TRIM45: variants seen among roughly 807,000 people sequenced by gnomAD.
TRIM45 encodes E3 ubiquitin-protein ligase TRIM45.
TRIM45 carries 45 observed loss-of-function variants against 46.7 expected under a neutral mutation model. That is an observed-to-expected ratio of 0.96 (90% CI 0.76 to 1.24). The LOEUF (loss-of-function observed/expected upper bound fraction) is 1.24. Among genes scored for constraint, TRIM45 ranks in the 50% most tolerant of loss-of-function variants. The pLI is 0.00. For missense variants in TRIM45, 680 were observed against 728.4 expected (o/e 0.93, Z 0.77); for synonymous variants, 259 against 285.8 (o/e 0.91, Z 0.94).
rs777399574 is a variant in TRIM45 at position 117,120,766 on chromosome 1, T to C, written c.436A>G (p.Arg146Gly). 1 of 1,613,982 alleles carries C rather than the reference T, an allele frequency of 6.2e-7. No individual in the cohort carries two copies. Among genetic ancestry groups the C allele is most frequent in the Non-Finnish European group, 8.5e-7 (1 of 1,179,906 alleles). ...AGGTTGGCTTTGCAGGTCTGACACCTCTTCTCTACTTCCCTGTCGTTGCAC... is the reference window on the plus strand; with the variant it reads ...AGGTTGGCTTTGCAGGTCTGACACCCCTTCTCTACTTCCCTGTCGTTGCAC... ...DLCNDREVEK[R>G]CQTCKANLCH... is the part of the protein sequence containing the mutation. Residue 146 changes from arginine to glycine, a missense_variant, in exon 1 of 6, where the codon AGG becomes GGG. Transcript: ENST00000256649.
rs767238571 is a variant in TRIM45, at chr1:117,121,025, G to GA, written c.176dup (p.Ser60LeufsTer11). 6.2e-7 allele frequency: 1 copy of GA among 1,614,182 alleles called. No homozygotes were observed. Among genetic ancestry groups the GA allele is most frequent in the African/African-American group, 1.3e-5 (1 of 75,036 alleles). ...CTCCCCCTCGGATGTCCACTACTGA[G>GA]AAGGGCTCCAGCTGCTCCAGACACG... On this transcript the variant is annotated frameshift_variant, in exon 1 of 6. Coordinates refer to ENST00000256649, the MANE Select transcript of TRIM45 (RefSeq NM_025188.4). LOFTEE classifies it high-confidence loss of function. This position sits in a 1 kb window ranked among gnomAD's most constrained non-coding sequence, Gnocchi z 4.2.
In TRIM45 at chr1:117,121,409, T is replaced by C; in HGVS notation, c.-208A>G. 1.7e-6 allele frequency: 1 copy of C among 579,606 alleles called. No homozygotes were observed. The highest frequency in any genetic ancestry group is 2.6e-5 in the South Asian group (1 of 38,844). 35.9% of individuals were successfully genotyped at this position (579,606 alleles called of 1,614,324 possible). On this transcript the variant is annotated 5_prime_UTR_variant, in exon 1 of 6. Coordinates refer to ENST00000256649, the MANE Select transcript of TRIM45 (RefSeq NM_025188.4). This position sits in a 1 kb window ranked among gnomAD's most constrained non-coding sequence, Gnocchi z 4.2. ...GATCTACTCAGGAGGGCCCCCTCCT[T>C]TCCACTGCATCCCACACCAGACACG...
rs533721589 is a variant in TRIM45, at chr1:117,121,713, T to A, written c.-512A>T. On this transcript the variant is annotated 5_prime_UTR_variant, in exon 1 of 6. Coordinates refer to ENST00000256649, the MANE Select transcript of TRIM45 (RefSeq NM_025188.4). The surrounding 1 kb of genome is among the most constrained non-coding windows in gnomAD (Gnocchi z 4.2). ...CGGGCTTCTCGGTGTCCACCGCCTC[T>A]CCCGCGCCTCGGCCCGGGACGCCCG... 77 of 578,730 alleles carry A rather than the reference T, an allele frequency of 1.3e-4. No homozygotes were observed. The South Asian group carries it at 1.5e-3, about 11-fold the overall frequency. 35.8% of individuals were successfully genotyped at this position (578,730 alleles called of 1,614,324 possible). A position where few individuals can be genotyped will look rare whatever the true frequency, so the allele number is the denominator to read the frequency against.
intron 1 of TRIM45, among the ~76,000 whole-genome samples, chr1:117,119,586 G>A (rs941496867): frequency 1.1e-4 from 17 of 151,300 alleles, no homozygotes; most frequent in Admixed American, 2.6e-4. Flanking sequence ...CAGCCTGGGC[G>A]ACTAGAGCCA....
In TRIM45 at chr1:117,121,347, A is replaced by G; in HGVS notation, c.-146T>C. On this transcript the variant is annotated 5_prime_UTR_variant, in exon 1 of 6. Coordinates refer to ENST00000256649, the MANE Select transcript of TRIM45 (RefSeq NM_025188.4). The surrounding 1 kb of genome is among the most constrained non-coding windows in gnomAD (Gnocchi z 4.2). The stretch of plus-strand genomic sequence containing the variant: ...CCCTCGCTGACAAATAAAAGGGCAG[A>G]CGGGAAGACGAGGCGTCCTCGAAGG... The G allele has an allele frequency of 1.0e-6, 1 of 996,090 alleles. No individual in the cohort carries two copies. The highest frequency in any genetic ancestry group is 1.4e-6 in the Non-Finnish European group (1 of 691,112). 61.7% of individuals were successfully genotyped at this position (996,090 alleles called of 1,614,324 possible). A position where few individuals can be genotyped will look rare whatever the true frequency, so the allele number is the denominator to read the frequency against.
chr1:117,123,927 G>A (rs1289219609), upstream of TRIM45, among the ~76,000 whole-genome samples: 1 of 152,138 alleles, frequency 6.6e-6, no homozygotes, highest in Non-Finnish European at 1.5e-5. Flanking sequence ...CACCGCGCCT[G>A]GCCACCTCTA....
upstream of TRIM45, chr1:117,121,817 C>G (rs1257341719): frequency 4.2e-6 from 3 of 713,878 alleles, no homozygotes; most frequent in Non-Finnish European, 5.2e-6. The surrounding 1 kb of genome is among the most constrained non-coding windows in gnomAD (Gnocchi z 4.2). Flanking sequence ...AGCGGCGGCC[C>G]TCGCCGCTCC....
chr1:117,123,671 C>T (rs35451049), upstream of TRIM45, among the ~76,000 whole-genome samples: 3 of 150,934 alleles, frequency 2.0e-5, no homozygotes, highest in Admixed American at 6.6e-5. Flanking sequence ...CTCTTGTTGC[C>T]TAGGCCGGAA....
In TRIM45 at chr1:117,113,121, C is replaced by T. The variant is rs1478524198; in HGVS notation, c.1594+238G>A. ...GAGAATCCTACATAGAAGCACAGGG[C>T]TCATAGGAGCTGTACCAAAACTAAC... On this transcript the variant is annotated intron_variant, in intron 5 of 5. Coordinates refer to ENST00000256649, the MANE Select transcript of TRIM45 (RefSeq NM_025188.4). The surrounding 1 kb of genome is among the most constrained non-coding windows in gnomAD (Gnocchi z 4.0). 6.6e-6 allele frequency among the ~76,000 whole-genome samples: 1 copy of T among 152,210 alleles called. No homozygotes were observed. Among genetic ancestry groups the T allele is most frequent in the Non-Finnish European group, 1.5e-5 (1 of 68,028 alleles).
chr1:117,119,918 T>C (rs1650556139), intron 1 of TRIM45, among the ~76,000 whole-genome samples: 1 of 152,188 alleles, frequency 6.6e-6, no homozygotes, highest in Non-Finnish European at 1.5e-5. Context: ...TCTGTTAGTG[T>C]AGCCAGAAAA....
rs1303133252 is a variant in TRIM45 at position 117,120,932 on chromosome 1, G to A, written c.270C>T (p.Ile90=). 6.8e-6 allele frequency: 11 copies of A among 1,614,198 alleles called. No homozygotes were observed. The highest frequency in any genetic ancestry group is 1.1e-5 in the South Asian group (1 of 91,082). Reference sequence around the variant, plus strand: ...CATCACATACAGGACAAAGGATGCCGATCTGCGACTGCAGACTTCGTGGCT... The same window carrying A: ...CATCACATACAGGACAAAGGATGCCAATCTGCGACTGCAGACTTCGTGGCT... ...ELKPRSLQSQ[I]GILCPVCDAQ... is the part of the protein sequence containing the mutation. The change falls in exon 1 of 6, where the codon ATC becomes ATT. Residue 90 remains isoleucine, a synonymous_variant. Coordinates refer to ENST00000256649, the MANE Select transcript of TRIM45 (RefSeq NM_025188.4).
In TRIM45 at chr1:117,118,018, G is replaced by A. The variant is rs773849630; in HGVS notation, c.1222+16C>T. 7.5e-6 allele frequency: 12 copies of A among 1,603,412 alleles called. No homozygotes were observed. In the African/African-American group the frequency reaches 1.5e-4, roughly 20 times the overall value. ...GTCCACTGCCCTCTCAATGTCAATG[G>A]GAAATGCCTTCCTACCTTCTCCTTG... On this transcript the variant is annotated intron_variant, in intron 2 of 5. Transcript: ENST00000256649. This position sits in a 1 kb window ranked among gnomAD's most constrained non-coding sequence, Gnocchi z 5.7.
rs868103075 is a variant in TRIM45 at position 117,121,488 on chromosome 1, C to G, written c.-287G>C. 1.1e-5 allele frequency: 6 copies of G among 525,450 alleles called. No homozygotes were observed. Among genetic ancestry groups the G allele is most frequent in the Non-Finnish European group, 2.0e-5 (6 of 299,576 alleles). The allele number at this position is 525,450 out of a possible 1,614,324, so 32.5% of individuals were successfully genotyped here. ...TCCCCGGATGCGCTTCCAGGTCTAG[C>G]TCTCCAGCTAGTCCTGCTGCCAACA... On this transcript the variant is annotated 5_prime_UTR_variant, in exon 1 of 6. Transcript: ENST00000256649. The surrounding 1 kb of genome is among the most constrained non-coding windows in gnomAD (Gnocchi z 4.2).
Position 117,113,592 on chromosome 1 carries a change from G to C in TRIM45, c.1468-107C>G. ...GTCTGAGGCACAGGGCCTGTCCTTG[G>C]ATGGACAAGGACAACAGGAAAGAAA... On this transcript the variant is annotated intron_variant, in intron 4 of 5. Transcript: ENST00000256649. This position sits in a 1 kb window ranked among gnomAD's most constrained non-coding sequence, Gnocchi z 4.0. 1.4e-6 allele frequency: 2 copies of C among 1,388,772 alleles called. No individual in the cohort carries two copies. Among genetic ancestry groups the C allele is most frequent in the Non-Finnish European group, 1.9e-6 (2 of 1,031,690 alleles). 86.0% of individuals were successfully genotyped at this position (1,388,772 alleles called of 1,614,324 possible). A position where few individuals can be genotyped will look rare whatever the true frequency, so the allele number is the denominator to read the frequency against.
In TRIM45 at chr1:117,118,263, G is replaced by A. The variant is rs144145161; in HGVS notation, c.993C>T (p.Thr331=). ...CTGAGCCGCTGGTCAGCAAGTGCTCGGTGAACTCCACTCCAGTCCGCATGT... is the reference window on the plus strand; with the variant it reads ...CTGAGCCGCTGGTCAGCAAGTGCTCAGTGAACTCCACTCCAGTCCGCATGT... ...LADMRTGVEF[T]EHLLTSGSDL... is the part of the protein sequence containing the mutation. Residue 331 remains threonine (T), a synonymous_variant, in exon 2 of 6, where the codon ACC becomes ACT. Coordinates refer to ENST00000256649, the MANE Select transcript of TRIM45 (RefSeq NM_025188.4). The surrounding 1 kb of genome is among the most constrained non-coding windows in gnomAD (Gnocchi z 5.7). 4.3e-4 allele frequency: 696 copies of A among 1,614,160 alleles called. No homozygotes were observed. Among genetic ancestry groups the A allele is most frequent in the Non-Finnish European group, 5.7e-4 (673 of 1,180,036 alleles).
rs149166047 is a variant in TRIM45, at chr1:117,115,607, C to T, written c.1435G>A (p.Val479Met). 7.0e-4 allele frequency: 1,136 copies of T among 1,614,150 alleles called. No individual in the cohort carries two copies. The highest frequency in any genetic ancestry group is 8.8e-4 in the Non-Finnish European group (1,041 of 1,180,016). ...YTPKEPGVYTVWVCIKEQHVQ... is the reference protein window; with the variant it reads ...YTPKEPGVYTMWVCIKEQHVQ... The stretch of plus-strand genomic sequence containing the variant: ...TGCTGTTCTTTGATGCAGACCCACA[C>T]AGTATAGACGCCAGGTTCCTTGGGG... The change falls in exon 4 of 6, where the codon GTG becomes ATG. Residue 479 changes from valine (V) to methionine (M), a missense_variant. By Grantham distance (21) the Val-to-Met change is conservative. Coordinates refer to ENST00000256649, the MANE Select transcript of TRIM45 (RefSeq NM_025188.4). The surrounding 1 kb of genome is among the most constrained non-coding windows in gnomAD (Gnocchi z 4.2).
chr1:117,118,610 C>T lies in TRIM45; in HGVS notation c.646G>A (p.Val216Met). The T allele has an allele frequency of 6.2e-7, 1 of 1,614,172 alleles. No individual in the cohort carries two copies. Among genetic ancestry groups the T allele is most frequent in the Non-Finnish European group, 8.5e-7 (1 of 1,180,052 alleles). ...CDRPVCQDCV[V>M]GEHREHPCDF... The stretch of plus-strand genomic sequence containing the variant: ...CAGGGGTGTTCCCGATGCTCCCCCA[C>T]CACACAATCCTGGCACACGGGCCGG... Residue 216 changes from valine to methionine, a missense_variant, in exon 2 of 6, where the codon GTG becomes ATG. Physicochemically the swap from Val to Met is conservative, Grantham distance 21. Transcript: ENST00000256649. The surrounding 1 kb of genome is among the most constrained non-coding windows in gnomAD (Gnocchi z 5.7).
chr1:117,118,831 G>T lies in TRIM45; in HGVS notation c.489-64C>A. 6.5e-7 allele frequency: 1 copy of T among 1,543,630 alleles called. No homozygotes were observed. Among genetic ancestry groups the T allele is most frequent in the African/African-American group, 1.4e-5 (1 of 72,908 alleles). ...TAATTCTGTTGGGAATAGTTGGGCA[G>T]AGAGATTTTAGGAGCACAGGATCTG... On this transcript the variant is annotated intron_variant, in intron 1 of 5. Coordinates refer to ENST00000256649, the MANE Select transcript of TRIM45 (RefSeq NM_025188.4). The surrounding 1 kb of genome is among the most constrained non-coding windows in gnomAD (Gnocchi z 5.7).
Position 117,113,616 on chromosome 1 carries a change from A to C in TRIM45, c.1468-131T>G, listed in dbSNP as rs1650301412. 8.0e-7 allele frequency: 1 copy of C among 1,243,116 alleles called. No homozygotes were observed. Among genetic ancestry groups the C allele is most frequent in the South Asian group, 1.6e-5 (1 of 63,936 alleles). The allele number at this position is 1,243,116 out of a possible 1,614,324, so 77.0% of individuals were successfully genotyped here. A position where few individuals can be genotyped will look rare whatever the true frequency, so the allele number is the denominator to read the frequency against. Reference sequence around the variant, plus strand: ...GGATGGACAAGGACAACAGGAAAGAAACAGATTAGAGGACAAGAACCCTGC... The same window carrying C: ...GGATGGACAAGGACAACAGGAAAGACACAGATTAGAGGACAAGAACCCTGC... On this transcript the variant is annotated intron_variant, in intron 4 of 5. Coordinates refer to ENST00000256649, the MANE Select transcript of TRIM45 (RefSeq NM_025188.4). This position sits in a 1 kb window ranked among gnomAD's most constrained non-coding sequence, Gnocchi z 4.0.
Sources: allele counts gnomAD v4.1 joint callset (sites outside exome capture counted in the v4.1 genomes callset), GRCh38; gene constraint gnomAD v4.1.1; non-coding constraint Gnocchi (gnomAD v3.1); transcripts MANE v1.5; gene names NCBI Gene and HGNC (gene_info 2026-07-23, HGNC 2026-07-21).